SLC25A25: variants seen among roughly 807,000 people sequenced by gnomAD.
SLC25A25 encodes the protein mitochondrial adenyl nucleotide antiporter SLC25A25.
In SLC25A25, 32 loss-of-function variants were observed where a neutral mutation model predicts 57.7. The observed-to-expected ratio is 0.55, with a 90% CI of 0.42 to 0.74. The LOEUF (loss-of-function observed/expected upper bound fraction) is 0.74. SLC25A25 is among the 30% of genes least tolerant of loss of function. The pLI, the probability that SLC25A25 is intolerant of heterozygous loss-of-function variation, is 0.00. For synonymous variants in SLC25A25, 306 were observed against 291.2 expected (o/e 1.05, Z -0.52); for missense variants, 556 against 701.3 (o/e 0.79, Z 2.34).
In SLC25A25 at chr9:128,101,359, A is replaced by G. The variant is rs1479612194; in HGVS notation, c.439A>G (p.Lys147Glu). Residue 147 changes from lysine to glutamate, a missense_variant, in exon 3 of 11, where the codon AAG becomes GAG. Physicochemically the swap from Lys to Glu is moderately conservative, Grantham distance 56. Transcript: ENST00000373069. This position sits in a 1 kb window ranked among gnomAD's most constrained non-coding sequence, Gnocchi z 4.9. Reference protein sequence around the residue: ...IMQSLRDLGVKISEQQAEKIL... With the variant: ...IMQSLRDLGVEISEQQAEKIL... ...GCAGTCCCTGCGGGACTTGGGAGTC[A>G]AGATATCTGAACAGCAGGCAGAAAA... The G allele has an allele frequency of 1.9e-6, 3 of 1,614,258 alleles. No homozygotes were observed. The highest frequency in any genetic ancestry group is 3.3e-5 in the Admixed American group (2 of 60,038).
chr9:128,068,396 C>T lies in SLC25A25; in HGVS notation c.77C>T (p.Ala26Val). 1 of 1,557,662 alleles carries T rather than the reference C, an allele frequency of 6.4e-7. No homozygotes were observed. The highest frequency in any genetic ancestry group is 1.2e-5 in the South Asian group (1 of 86,524). Reference sequence around the variant, plus strand: ...GCCGCCACCGCCGCCTCTTCGTCTGCCTCATCGCCGGCGTCCGTGGGGGAC... The same window carrying T: ...GCCGCCACCGCCGCCTCTTCGTCTGTCTCATCGCCGGCGTCCGTGGGGGAC... ...DAAATAASSS[A>V]SSPASVGDPC... The change falls in exon 1 of 11, where the codon GCC becomes GTC. Residue 26 changes from alanine to valine, a missense_variant. Around this residue, in one of 3 missense-constraint regions of SLC25A25, gnomAD observed 248 missense variants for 273.5 expected, o/e 0.91. Coordinates refer to ENST00000373069, the MANE Select transcript of SLC25A25 (RefSeq NM_001330988.2).
At chr9:128,083,765 G>A (rs769950038) in intron 1 of SLC25A25, among the ~76,000 whole-genome samples, 13 of 150,864 alleles carry the variant, frequency 8.6e-5, no homozygotes, top group Non-Finnish European at 1.3e-4. Flanking sequence ...TGATCCGCCC[G>A]CCTCGGCCTC....
chr9:128,076,671 T>C (rs1001885939), intron 1 of SLC25A25, among the ~76,000 whole-genome samples: 2 of 151,976 alleles, frequency 1.3e-5, no homozygotes, highest in African/African-American at 4.8e-5. Context: ...GTTTTCACCA[T>C]GTTAGCCAGG....
Position 128,091,939 on chromosome 9 carries a change from G to A in SLC25A25, c.262-9157G>A, listed in dbSNP as rs200867620. The A allele has an allele frequency of 8.1e-6, 13 of 1,613,868 alleles. No homozygotes were observed. The Admixed American group carries it at 1.5e-4, about 19-fold the overall frequency. On this transcript the variant is annotated intron_variant, in intron 1 of 10. Transcript: ENST00000373069. The stretch of plus-strand genomic sequence containing the variant: ...GGGCTGGGTGCCACGGCTCCAGAGA[G>A]GGGGACGATCGTGAAGTCAGAGGCA...
At chr9:128,078,360 A>C (rs1254299895) in intron 1 of SLC25A25, among the ~76,000 whole-genome samples, 1 of 151,046 alleles carries the variant, frequency 6.6e-6, no homozygotes, top group African/African-American at 2.4e-5. Flanking sequence ...GGGAGGGCAA[A>C]GCCTGGGGAC....
chr9:128,089,552 G>A (rs893526814), intron 1 of SLC25A25, among the ~76,000 whole-genome samples: 2 of 151,996 alleles, frequency 1.3e-5, no homozygotes, highest in African/African-American at 4.8e-5. Flanking sequence ...TCTAGTGAGA[G>A]GGCAACTGAT....
chr9:128,071,422 T>C (rs1336709463), intron 1 of SLC25A25, among the ~76,000 whole-genome samples: 2 of 152,166 alleles, frequency 1.3e-5, no homozygotes, highest in Non-Finnish European at 2.9e-5. Flanking sequence ...TTATTACTTT[T>C]CTGAGATGGA....
intron 1 of SLC25A25, among the ~76,000 whole-genome samples, chr9:128,073,213 T>C (rs1832942709): frequency 6.6e-6 from 1 of 152,182 alleles, no homozygotes; most frequent in African/African-American, 2.4e-5. Flanking sequence ...CTCTCCTCCT[T>C]AACACAGTTT....
chr9:128,104,212 G>C (rs1389902090), intron 6 of SLC25A25, among the ~76,000 whole-genome samples: 1 of 152,182 alleles, frequency 6.6e-6, no homozygotes, highest in African/African-American at 2.4e-5. Context: ...CCATTACCTT[G>C]GCCAGGTACG....
At chr9:128,075,877 G>A (rs531689827) in intron 1 of SLC25A25, among the ~76,000 whole-genome samples, 1 of 152,206 alleles carries the variant, frequency 6.6e-6, no homozygotes, top group African/African-American at 2.4e-5. Flanking sequence ...GTTATTACTT[G>A]TTGAAGTCTC....
intron 1 of SLC25A25, among the ~76,000 whole-genome samples, chr9:128,071,124 A>G (rs1364148365): frequency 6.6e-6 from 1 of 152,188 alleles, no homozygotes; most frequent in Non-Finnish European, 1.5e-5. Context: ...TTTGTGCATC[A>G]ACTAGAGTCA....
chr9:128,105,201 C>T (rs911818329), intron 6 of SLC25A25, among the ~76,000 whole-genome samples: 8 of 126,118 alleles, frequency 6.3e-5, no homozygotes, highest in Admixed American at 3.7e-4. Flanking sequence ...AATAGAGTCT[C>T]GCTCTGTCGC....
In SLC25A25 at chr9:128,103,812, C is replaced by G. The variant is rs1468160932; in HGVS notation, c.756C>G (p.Pro252=). The G allele has an allele frequency of 1.2e-6, 2 of 1,609,702 alleles. No individual in the cohort carries two copies. Among genetic ancestry groups the G allele is most frequent in the Non-Finnish European group, 8.5e-7 (1 of 1,177,880 alleles). Residue 252 remains proline, a synonymous_variant, in exon 6 of 11, where the codon CCC becomes CCG. Transcript: ENST00000373069. This position sits in a 1 kb window ranked among gnomAD's most constrained non-coding sequence, Gnocchi z 6.7. The stretch of plus-strand genomic sequence containing the variant: ...CCGTATCCAGAACCTGCACGGCCCC[C>G]CTGGACAGGCTCAAGGTGCTCATGC... ...AGAVSRTCTA[P]LDRLKVLMQV...
intron 1 of SLC25A25, among the ~76,000 whole-genome samples, chr9:128,100,490 C>G (rs1167506949): frequency 6.6e-6 from 1 of 152,214 alleles, no homozygotes; most frequent in Non-Finnish European, 1.5e-5. Flanking sequence ...CTGGCAGTAC[C>G]ATCATACACA....
At chr9:128,098,698 A>G (rs974945603) in intron 1 of SLC25A25, 1 of 1,614,090 alleles carries the variant, frequency 6.2e-7, no homozygotes, top group Non-Finnish European at 8.5e-7. Context: ...CCTCCCAGGA[A>G]TTCTCCACCT....
chr9:128,087,203 G>T (rs1005036770), intron 1 of SLC25A25, among the ~76,000 whole-genome samples: 10 of 152,016 alleles, frequency 6.6e-5, no homozygotes, highest in Non-Finnish European at 2.9e-5. Flanking sequence ...CTCCCAAAGT[G>T]CTGGGATTAC....
In SLC25A25 at chr9:128,074,747, T is replaced by C. The variant is rs191204315; in HGVS notation, c.261+6167T>C. Among the ~76,000 whole-genome samples, 15 of 152,204 alleles carry C rather than the reference T, an allele frequency of 9.9e-5. No homozygotes were observed. The East Asian group carries it at 2.3e-3, about 24-fold the overall frequency. Reference sequence around the variant, plus strand: ...AAAAAAGAACATATGAGGCTGGCCATGATGGCACTTTATGAGGCTGAGGTG... The same window carrying C: ...AAAAAAGAACATATGAGGCTGGCCACGATGGCACTTTATGAGGCTGAGGTG... On this transcript the variant is annotated intron_variant, in intron 1 of 10. Coordinates refer to ENST00000373069, the MANE Select transcript of SLC25A25 (RefSeq NM_001330988.2).
intron 1 of SLC25A25, among the ~76,000 whole-genome samples, chr9:128,083,951 C>G (rs977330335): frequency 2.6e-5 from 4 of 152,144 alleles, no homozygotes; most frequent in Non-Finnish European, 5.9e-5. Flanking sequence ...TTGGGCATCT[C>G]CAATTGTCTT....
Position 128,103,042 on chromosome 9 carries a change from C to T in SLC25A25, c.624+561C>T, listed in dbSNP as rs73669635. On this transcript the variant is annotated intron_variant, in intron 5 of 10. Transcript: ENST00000373069. The surrounding 1 kb of genome is among the most constrained non-coding windows in gnomAD (Gnocchi z 6.7). Reference sequence around the variant, plus strand: ...TGCAGTCCTGTCCCTCTGGACCATCCGCTCCAGGAGGGGAGGCCAGAGGCG... The same window carrying T: ...TGCAGTCCTGTCCCTCTGGACCATCTGCTCCAGGAGGGGAGGCCAGAGGCG... Among the ~76,000 whole-genome samples, 787 of 152,274 alleles carry T rather than the reference C, an allele frequency of 5.2e-3. 9 individuals are homozygous for T. The highest frequency in any genetic ancestry group is 0.018 in the African/African-American group (759 of 41,558).
Sources: gnomAD v4.1 joint callset for allele counts (sites outside exome capture counted in the v4.1 genomes callset) on GRCh38, gnomAD v4.1.1 for gene constraint, gnomAD v4.1.1 regional missense constraint, Gnocchi (gnomAD v3.1) non-coding constraint, MANE v1.5 for transcripts, NCBI Gene and HGNC (gene_info 2026-07-23, HGNC 2026-07-21) for gene names.